The following ZNF736 variants were observed in gnomAD, a reference collection of about 807,000 sequenced individuals.
The protein encoded by ZNF736 is zinc finger protein 736.
A neutral mutation model predicts 11.7 loss-of-function variants in ZNF736; 6 were observed. The ratio of observed to expected loss-of-function variants is 0.51; its 90% CI spans 0.28 to 1.01. The LOEUF (loss-of-function observed/expected upper bound fraction) is 1.01. Ranked by LOEUF, ZNF736 falls within the 50% of genes least tolerant of loss-of-function variation. The pLI, the probability that ZNF736 is intolerant of heterozygous loss-of-function variation, is 0.09. For missense variants in ZNF736, 444 were observed against 496.0 expected, an observed-to-expected ratio of 0.90 and a Z score of 1.00; for synonymous variants, 139 against 164.7, an observed-to-expected ratio of 0.84 and a Z score of 1.19.
In ZNF736 at chr7:64,354,346, A is replaced by G. The variant is rs926663581; in HGVS notation, c.*5199A>G. The G allele has an allele frequency of 6.6e-6, 1 of 152,208 alleles. No homozygotes were observed. The highest frequency in any genetic ancestry group is 1.5e-5 in the Non-Finnish European group (1 of 68,006). 9.4% of individuals were successfully genotyped at this position (152,208 alleles called of 1,614,324 possible). On this transcript the variant is annotated 3_prime_UTR_variant, in exon 4 of 4. Transcript: ENST00000423484. Reference sequence around the variant, plus strand: ...TCAGGTGTAACAGATTTATAGAGAAAGTAATCATATTTGTTTATGGTTGTG... The same window carrying G: ...TCAGGTGTAACAGATTTATAGAGAAGGTAATCATATTTGTTTATGGTTGTG...
chr7:64,335,091 A>G (rs528966449), intron 1 of ZNF736, among the ~76,000 whole-genome samples: 1 of 152,290 alleles, frequency 6.6e-6, no homozygotes, highest in Admixed American at 6.5e-5. Context: ...GGATTCAAAC[A>G]ATGAGAACAC....
chr7:64,347,947 A>C, intron 3 of ZNF736, 143 bp from the exon 4 acceptor site: 1 of 802,102 alleles, frequency 1.2e-6, no homozygotes, highest in Non-Finnish European at 1.8e-6. Flanking sequence ...TGGTCAGTAT[A>C]TTTCTGTTAG....
At chr7:64,330,449 G>A (rs1789148900) in intron 1 of ZNF736, among the ~76,000 whole-genome samples, 1 of 152,010 alleles carries the variant, frequency 6.6e-6, no homozygotes, top group Non-Finnish European at 1.5e-5. Flanking sequence ...GAGCCACCGT[G>A]CCCGGCTGGG....
intron 3 of ZNF736, among the ~76,000 whole-genome samples, chr7:64,344,662 A>G (rs776295): frequency 0.91 from 139,276 of 152,232 alleles, 63,824 homozygotes; most frequent in Non-Finnish European, 0.94. Flanking sequence ...TCCCTTTTTT[A>G]TATTTTAAAT....
chr7:64,331,502 T>C (rs1020339728), intron 1 of ZNF736, among the ~76,000 whole-genome samples: 15 of 152,238 alleles, frequency 9.9e-5, no homozygotes, highest in African/African-American at 3.6e-4. Flanking sequence ...GATTTGATGC[T>C]AAAACTAGGT....
intron 3 of ZNF736, chr7:64,337,383 C>T (rs1269007925): frequency 5.6e-6 from 1 of 177,622 alleles, no homozygotes; most frequent in African/African-American, 2.4e-5. Flanking sequence ...TGGATAATGT[C>T]TAAATATTTA....
Position 64,353,697 on chromosome 7 carries a change from C to T in ZNF736, c.*4550C>T, listed in dbSNP as rs896526294. On this transcript the variant is annotated 3_prime_UTR_variant, in exon 4 of 4. Transcript: ENST00000423484. ...ACGAAGAAATTCTAAGTGGAAAGGCCACTTATTAGTTTACAGCAGTATCGT... is the reference window on the plus strand; with the variant it reads ...ACGAAGAAATTCTAAGTGGAAAGGCTACTTATTAGTTTACAGCAGTATCGT... 1.3e-4 allele frequency: 3 copies of T among 23,494 alleles called. No homozygotes were observed. Among genetic ancestry groups the T allele is most frequent in the Admixed American group, 5.0e-4 (2 of 4,036 alleles). The allele number at this position is 23,494 out of a possible 1,614,324, so 1.5% of individuals were successfully genotyped here.
chr7:64,326,179 A>G (rs1461883171), intron 1 of ZNF736, among the ~76,000 whole-genome samples: 1 of 152,134 alleles, frequency 6.6e-6, no homozygotes, highest in Admixed American at 6.6e-5. Flanking sequence ...GTTTTTAATT[A>G]TGTTTTCCAA....
At chr7:64,346,175 TTA>T (rs1312201114) in intron 3 of ZNF736, among the ~76,000 whole-genome samples, 1 of 152,228 alleles carries the variant, frequency 6.6e-6, no homozygotes, top group Non-Finnish European at 1.5e-5. Flanking sequence ...ATGAACCCTC[TTA>T]TTATAATTGA....
intron 3 of ZNF736, among the ~76,000 whole-genome samples, chr7:64,337,756 G>GTTTTTTT (rs569147961): frequency 8.9e-5 from 10 of 112,496 alleles, no homozygotes; most frequent in Admixed American, 1.6e-4. Flanking sequence ...GTTTTTTTTG[G>GTTTTTTT]TTTTTTTTTT....
chr7:64,337,766 T>TG (rs1554304639), intron 3 of ZNF736, among the ~76,000 whole-genome samples: 5,285 of 147,036 alleles, frequency 0.036, 126 homozygotes, highest in East Asian at 0.069. Flanking sequence ...GTTTTTTTTT[T>TG]TTTTTGAGAC....
rs912378136 is a variant in ZNF736 at position 64,355,080 on chromosome 7, A to C, written c.*5933A>C. ...TAATTGTACCCATGCCACACAATTG[A>C]CTCACAATTGAAACAAGATGAAGAG... On this transcript the variant is annotated 3_prime_UTR_variant, in exon 4 of 4. Transcript: ENST00000423484. The C allele has an allele frequency of 6.6e-6, 1 of 152,578 alleles. No homozygotes were observed. The highest frequency in any genetic ancestry group is 2.4e-5 in the African/African-American group (1 of 41,462). 9.5% of individuals were successfully genotyped at this position (152,578 alleles called of 1,614,324 possible).
chr7:64,336,761 A>G, intron 2 of ZNF736, 126 bp from the exon 3 acceptor site: 1 of 810,820 alleles, frequency 1.2e-6, no homozygotes. Context: ...TTCTGTTAGG[A>G]AACAGTATAT....
intron 1 of ZNF736, among the ~76,000 whole-genome samples, chr7:64,332,258 G>A (rs571145283): frequency 3.3e-5 from 5 of 151,242 alleles, no homozygotes; most frequent in South Asian, 4.2e-4. Context: ...CATAAGTGTC[G>A]GCCGGCTGAG....
intron 3 of ZNF736, among the ~76,000 whole-genome samples, chr7:64,339,214 A>G (rs1042337127): frequency 2.6e-5 from 4 of 152,036 alleles, no homozygotes. Context: ...TTTCTTATAT[A>G]TTTTTGATAC....
chr7:64,347,639 C>T (rs1789429591), intron 3 of ZNF736, among the ~76,000 whole-genome samples: 1 of 152,116 alleles, frequency 6.6e-6, no homozygotes, highest in South Asian at 2.1e-4. Context: ...TCTCAGCTGT[C>T]CGAAACTGTC....
intron 1 of ZNF736, among the ~76,000 whole-genome samples, chr7:64,323,825 T>C (rs1789039897): frequency 6.6e-6 from 1 of 152,122 alleles, no homozygotes; most frequent in South Asian, 2.1e-4. Flanking sequence ...CAAAGTACCA[T>C]GACACACATT....
chr7:64,349,736 CT>C lies in ZNF736; in HGVS notation c.*593del, dbSNP rs1789461209. The C allele has an allele frequency of 6.6e-6, 1 of 152,052 alleles. No individual in the cohort carries two copies. Among genetic ancestry groups the C allele is most frequent in the Non-Finnish European group, 1.5e-5 (1 of 68,018 alleles). 9.4% of individuals were successfully genotyped at this position (152,052 alleles called of 1,614,324 possible). On this transcript the variant is annotated 3_prime_UTR_variant, in exon 4 of 4. Coordinates refer to ENST00000423484, the MANE Select transcript of ZNF736 (RefSeq NM_001170905.3). ...TTATTTAATGCTTTCTTCAGAAGCT[CT>C]TTTAAGACAGATCCTGTGGTAACAT...
intron 1 of ZNF736, among the ~76,000 whole-genome samples, chr7:64,322,332 A>T (rs1248646659): frequency 1.3e-5 from 2 of 152,060 alleles, no homozygotes; most frequent in African/African-American, 4.8e-5. Flanking sequence ...ATAAAGTTTT[A>T]TTTTTTATGC....
Sources: allele counts gnomAD v4.1 joint callset (sites outside exome capture counted in the v4.1 genomes callset), GRCh38; gene constraint gnomAD v4.1.1; transcripts MANE v1.5; gene names NCBI Gene and HGNC (gene_info 2026-07-23, HGNC 2026-07-21).